The following TSPAN33 variants were observed in gnomAD, a reference collection of about 807,000 sequenced individuals.
The protein encoded by TSPAN33 is tetraspanin 33.
Under a neutral mutation model 34.8 loss-of-function variants are expected in TSPAN33, and 27 were observed. The ratio of observed to expected loss-of-function variants is 0.78; its 90% CI spans 0.57 to 1.07. The LOEUF (loss-of-function observed/expected upper bound fraction) is 1.07, where lower values mean the gene tolerates loss of function less well. Ranked by LOEUF, TSPAN33 falls within the 50% of genes least tolerant of loss-of-function variation. TSPAN33 has a pLI of 0.00. For synonymous variants in TSPAN33, 119 were observed against 124.2 expected (o/e 0.96, Z 0.28); for missense variants, 272 against 324.9 (o/e 0.84, Z 1.25).
At chr7:129,145,558 A>ACCT (rs922818096) in intron 1 of TSPAN33, among the ~76,000 whole-genome samples, 8 of 142,410 alleles carry the variant, frequency 5.6e-5, no homozygotes, top group Admixed American at 1.4e-4. Context: ...ATCTACCCCC[A>ACCT]CCTCCACCCC....
Position 129,165,224 on chromosome 7 carries a change from C to T in TSPAN33, c.459+655C>T, listed in dbSNP as rs1224625715. On this transcript the variant is annotated intron_variant, in intron 5 of 7. Coordinates refer to ENST00000486685, the MANE Select transcript of TSPAN33 (RefSeq NM_178562.5). The surrounding 1 kb of genome is among the most constrained non-coding windows in gnomAD (Gnocchi z 4.5). ...AAACTCTGTATCCATCAAACACTAA[C>T]TCCCCATTTTCCTCTCTTGAAACTT... 6.6e-6 allele frequency among the ~76,000 whole-genome samples: 1 copy of T among 152,196 alleles called. No homozygotes were observed. The highest frequency in any genetic ancestry group is 1.5e-5 in the Non-Finnish European group (1 of 68,032).
intron 5 of TSPAN33, 127 bp from the exon 6 acceptor site, chr7:129,166,651 G>T (rs898522174): frequency 1.7e-6 from 2 of 1,178,156 alleles, no homozygotes; most frequent in African/African-American, 1.5e-5. Flanking sequence ...GTTTAAGGCT[G>T]TGTTAAAACA....
rs748650665 is a variant in TSPAN33 at position 129,145,082 on chromosome 7, G to T, written c.102G>T (p.Trp34Cys). The change falls in exon 1 of 8, where the codon TGG (tryptophan) becomes TGT (cysteine). Residue 34 changes from tryptophan (W) to cysteine (C), a missense_variant and splice_region_variant. Trp to Cys is a radical substitution (Grantham distance 215, BLOSUM62 -2). Coordinates refer to ENST00000486685, the MANE Select transcript of TSPAN33 (RefSeq NM_178562.5). ...YLLFFFNMLFWVISMVMVAVG... is the reference protein window; with the variant it reads ...YLLFFFNMLFCVISMVMVAVG... ...TCTTCTTCTTCAACATGCTCTTCTG[G>T]GTGAGTCTCGGGGTCGAGGGCACCT... 2 of 715,670 alleles carry T rather than the reference G, an allele frequency of 2.8e-6. No individual in the cohort carries two copies. Among genetic ancestry groups the T allele is most frequent in the Non-Finnish European group, 5.2e-6 (2 of 386,196 alleles). 44.3% of individuals were successfully genotyped at this position (715,670 alleles called of 1,614,324 possible). A position where few individuals can be genotyped will look rare whatever the true frequency, so the allele number is the denominator to read the frequency against.
chr7:129,151,605 G>A (rs1209931506), intron 1 of TSPAN33, among the ~76,000 whole-genome samples: 1 of 151,860 alleles, frequency 6.6e-6, no homozygotes, highest in Non-Finnish European at 1.5e-5. Flanking sequence ...CTAGAATAAG[G>A]GTTTCTCCTT....
At chr7:129,150,818 G>C (rs1339546915) in intron 1 of TSPAN33, among the ~76,000 whole-genome samples, 1 of 152,112 alleles carries the variant, frequency 6.6e-6, no homozygotes, top group East Asian at 1.9e-4. Flanking sequence ...CCAGGGAGGA[G>C]GAAAGAGAGT....
In TSPAN33 at chr7:129,167,638, C is replaced by A; in HGVS notation, c.750+78C>A. The stretch of plus-strand genomic sequence containing the variant: ...TGTTTTGGGGAAGGCACCTGGGGAT[C>A]AGCGAGGGTGTCAGGCACTGACATG... On this transcript the variant is annotated intron_variant, in intron 7 of 7. Coordinates refer to ENST00000486685, the MANE Select transcript of TSPAN33 (RefSeq NM_178562.5). The surrounding 1 kb of genome is among the most constrained non-coding windows in gnomAD (Gnocchi z 4.6). 1 of 1,574,588 alleles carries A rather than the reference C, an allele frequency of 6.4e-7. No homozygotes were observed. The highest frequency in any genetic ancestry group is 1.1e-5 in the South Asian group (1 of 87,036).
Position 129,165,781 on chromosome 7 carries a change from A to G in TSPAN33, c.460-997A>G, listed in dbSNP as rs955658314. Among the ~76,000 whole-genome samples the G allele has an allele frequency of 6.6e-6, 1 of 152,120 alleles. No homozygotes were observed. The highest frequency in any genetic ancestry group is 1.5e-5 in the Non-Finnish European group (1 of 68,018). Reference sequence around the variant, plus strand: ...AAAAATTAGCCGGGTTTGGTGGCGCACACCTGTAGTCCCAGCTACTCAGGA... The same window carrying G: ...AAAAATTAGCCGGGTTTGGTGGCGCGCACCTGTAGTCCCAGCTACTCAGGA... On this transcript the variant is annotated intron_variant, in intron 5 of 7. Transcript: ENST00000486685. This position sits in a 1 kb window ranked among gnomAD's most constrained non-coding sequence, Gnocchi z 4.5.
At chr7:129,155,344 G>A (rs907491121) in intron 1 of TSPAN33, among the ~76,000 whole-genome samples, 8 of 152,024 alleles carry the variant, frequency 5.3e-5, no homozygotes, top group Non-Finnish European at 8.8e-5. Context: ...AGCACAGTAG[G>A]GTGACTATAG....
At chr7:129,152,710 A>G (rs546737221) in intron 1 of TSPAN33, among the ~76,000 whole-genome samples, 14 of 151,976 alleles carry the variant, frequency 9.2e-5, no homozygotes, top group Admixed American at 6.6e-4. Context: ...ACAAACAAAC[A>G]AACAGGAAAT....
chr7:129,165,403 G>A lies in TSPAN33; in HGVS notation c.459+834G>A, dbSNP rs1223128310. 1.3e-5 allele frequency among the ~76,000 whole-genome samples: 2 copies of A among 152,294 alleles called. No homozygotes were observed. The highest frequency in any genetic ancestry group is 2.1e-4 in the South Asian group (1 of 4,822). On this transcript the variant is annotated intron_variant, in intron 5 of 7. Transcript: ENST00000486685. This position sits in a 1 kb window ranked among gnomAD's most constrained non-coding sequence, Gnocchi z 4.5. ...AGGTACCTCAAATGAAGGGACTCACGGTATTAATGCTTTTTTGAGTGGGTT... is the reference window on the plus strand; with the variant it reads ...AGGTACCTCAAATGAAGGGACTCACAGTATTAATGCTTTTTTGAGTGGGTT...
chr7:129,145,015 GGGA>G lies in TSPAN33; in HGVS notation c.40_42del (p.Glu14del), dbSNP rs760857264. 1 of 703,730 alleles carries G rather than the reference GGGA, an allele frequency of 1.4e-6. No individual in the cohort carries two copies. Among genetic ancestry groups the G allele is most frequent in the Non-Finnish European group, 2.6e-6 (1 of 383,164 alleles). 43.6% of individuals were successfully genotyped at this position (703,730 alleles called of 1,614,324 possible). A position where few individuals can be genotyped will look rare whatever the true frequency, so the allele number is the denominator to read the frequency against. On this transcript the variant is annotated inframe_deletion, in exon 1 of 8. Transcript: ENST00000486685. ...AGACCCCGGGCGCCGGCCGCCTCCGGGGAGGAGTTCTCCTTCGTCAGCCCGCTG... is the reference window on the plus strand; with the variant it reads ...AGACCCCGGGCGCCGGCCGCCTCCGGGGAGTTCTCCTTCGTCAGCCCGCTG...
intron 1 of TSPAN33, among the ~76,000 whole-genome samples, chr7:129,146,476 A>C (rs1199632638): frequency 1.3e-5 from 2 of 152,264 alleles, no homozygotes; most frequent in African/African-American, 4.8e-5. Context: ...GTTTTGTCCA[A>C]GGTCCAACAG....
At chr7:129,155,754 C>A (rs907666670) in intron 1 of TSPAN33, among the ~76,000 whole-genome samples, 5 of 151,700 alleles carry the variant, frequency 3.3e-5, no homozygotes, top group African/African-American at 1.2e-4. Context: ...CAGGGTCTTG[C>A]TGTGTCACCC....
At chr7:129,145,422 T>A (rs1312493463) in intron 1 of TSPAN33, among the ~76,000 whole-genome samples, 1 of 151,800 alleles carries the variant, frequency 6.6e-6, no homozygotes, top group Non-Finnish European at 1.5e-5. Context: ...GGCGGCTGAC[T>A]TTCAGGCCTG....
chr7:129,166,624 G>A, intron 5 of TSPAN33, 154 bp from the exon 6 acceptor site: 1 of 802,926 alleles, frequency 1.2e-6, no homozygotes, highest in Non-Finnish European at 2.0e-6. Context: ...AAGGCAACTG[G>A]GAAGCTGGAG....
chr7:129,167,869 T>G lies in TSPAN33; in HGVS notation c.847T>G (p.Tyr283Asp). The change falls in exon 8 of 8, where the codon TAC (tyrosine) becomes GAC (aspartate). Residue 283 changes from tyrosine to aspartate, a missense_variant. Transcript: ENST00000486685. This position sits in a 1 kb window ranked among gnomAD's most constrained non-coding sequence, Gnocchi z 4.6. Reference sequence around the variant, plus strand: ...CCAGCAGCACCGGGCTGACCCATGGTACTGAGAATCCATCCTGCACCTCCT... The same window carrying G: ...CCAGCAGCACCGGGCTGACCCATGGGACTGAGAATCCATCCTGCACCTCCT... ...YNQQHRADPWY is the reference protein window; with the variant it reads ...YNQQHRADPWD The G allele has an allele frequency of 1.9e-6, 3 of 1,613,912 alleles. No homozygotes were observed. The highest frequency in any genetic ancestry group is 2.5e-6 in the Non-Finnish European group (3 of 1,179,946).
chr7:129,153,676 C>A (rs1055875256), intron 1 of TSPAN33, among the ~76,000 whole-genome samples: 2 of 152,194 alleles, frequency 1.3e-5, no homozygotes, highest in African/African-American at 4.8e-5. Flanking sequence ...TGCAGTGGCT[C>A]ATGTCTGGAA....
chr7:129,159,998 A>T (rs1793024851), intron 1 of TSPAN33, among the ~76,000 whole-genome samples: 1 of 152,158 alleles, frequency 6.6e-6, no homozygotes, highest in Admixed American at 6.5e-5. Flanking sequence ...AGCTATTATC[A>T]TGCCACTGCA....
chr7:129,148,307 G>A lies in TSPAN33; in HGVS notation c.102+3225G>A, dbSNP rs950260852. ...GCAGCCATGCCTCAGGGCTCCCATG[G>A]CACCTTCTGTATTCTTCTATTGTCA... On this transcript the variant is annotated intron_variant, in intron 1 of 7. Coordinates refer to ENST00000486685, the MANE Select transcript of TSPAN33 (RefSeq NM_178562.5). This position sits in a 1 kb window ranked among gnomAD's most constrained non-coding sequence, Gnocchi z 4.2. Among the ~76,000 whole-genome samples, 2 of 152,170 alleles carry A rather than the reference G, an allele frequency of 1.3e-5. No individual in the cohort carries two copies. The highest frequency in any genetic ancestry group is 4.8e-5 in the African/African-American group (2 of 41,438).
Sources: gnomAD v4.1 joint callset for allele counts (sites outside exome capture counted in the v4.1 genomes callset) on GRCh38, gnomAD v4.1.1 for gene constraint, Gnocchi (gnomAD v3.1) non-coding constraint, MANE v1.5 for transcripts, NCBI Gene and HGNC (gene_info 2026-07-23, HGNC 2026-07-21) for gene names.